The following TRPM5 variants were observed in gnomAD, a reference collection of about 807,000 sequenced individuals.
TRPM5 encodes the protein transient receptor potential cation channel subfamily M member 5.
TRPM5 carries 121 observed loss-of-function variants against 124.9 expected under a neutral mutation model. That is an observed-to-expected ratio of 0.97 (90% confidence interval 0.84 to 1.13). The LOEUF (loss-of-function observed/expected upper bound fraction) is 1.13, where lower values mean the gene tolerates loss of function less well. Ranked by LOEUF, TRPM5 falls within the 50% of genes most tolerant of loss-of-function variation. The pLI is 0.00. For missense variants in TRPM5, 1,643 were observed against 1,589.1 expected (o/e 1.03, Z -0.58); for synonymous variants, 781 against 700.5 (o/e 1.11, Z -1.81).
the TRPM5 span, among the ~76,000 whole-genome samples, chr11:2,437,677 T>C: frequency 6.6e-6 from 1 of 150,860 alleles, no homozygotes; most frequent in East Asian, 2.0e-4. The surrounding 1 kb of genome is among the most constrained non-coding windows in gnomAD (Gnocchi z 5.6). Context: ...GAGAGGGGAG[T>C]ACACTAAAAT....
chr11:2,414,009 G>GGGCCGCCCCCCCCCCCCC, intron 12 of TRPM5, 52 bp downstream of exon 17: 1 of 1,023,734 alleles, frequency 9.8e-7, no homozygotes, highest in East Asian at 2.8e-5. Flanking sequence ...GGCCCAGCTC[G>GGGCCGCCCCCCCCCCCCC]CCCGCCCACC....
chr11:2,405,008 C>CCA lies in TRPM5; in HGVS notation c.3425_3426dup (p.Ala1143TrpfsTer9). 6.2e-7 allele frequency: 1 copy of CCA among 1,612,820 alleles called. No individual in the cohort carries two copies. Among genetic ancestry groups the CCA allele is most frequent in the Non-Finnish European group, 8.5e-7 (1 of 1,179,920 alleles). On this transcript the variant is annotated frameshift_variant, in exon 24 of 24. Transcript: ENST00000155858. LOFTEE classifies it low-confidence loss of function (END_TRUNC). The stretch of plus-strand genomic sequence containing the variant: ...TCTAAACCACCTCTGTGGTCAGCAG[C>CCA]CACCAGCTGGCTTCCCTCGCCACAG...
chr11:2,414,009 G>GGGGGGCCCCCCCCCCCCCCCCCCCCCCCC, intron 12 of TRPM5, 52 bp downstream of exon 17: 49 of 1,023,594 alleles, frequency 4.8e-5, no homozygotes, highest in East Asian at 1.1e-4. Context: ...GGCCCAGCTC[G>GGGGGGCCCCCCCCCCCCCCCCCCCCCCCC]CCCGCCCACC....
chr11:2,420,079 CTCGGTG>C, intron 4 of TRPM5, 137 bp downstream of exon 9: 1 of 335,448 alleles, frequency 3.0e-6, no homozygotes, highest in Non-Finnish European at 4.1e-6. Flanking sequence ...CGGCCCAGGT[CTCGGTG>C]CTCAGGCATG....
At chr11:2,416,104 C>A in intron 7 of TRPM5, 80 bp from the exon 13 acceptor site, 1 of 1,063,120 alleles carries the variant, frequency 9.4e-7, no homozygotes, top group Non-Finnish European at 1.4e-6. Context: ...CCCAAAGGTG[C>A]GCTGCCTAGA....
chr11:2,420,947 C>T (rs1180991406), intron 3 of TRPM5, 85 bp downstream of exon 8: 30 of 1,404,754 alleles, frequency 2.1e-5, no homozygotes, highest in East Asian at 2.1e-4. Flanking sequence ...TCCTGTCCTC[C>T]CAGAGCTCTG....
Position 2,415,267 on chromosome 11 carries a change from C to T in TRPM5, c.1333G>A (p.Gly445Ser), listed in dbSNP as rs200095671. Residue 445 changes from glycine to serine, a missense_variant, in exon 9 of 24, where the codon GGC (glycine) becomes AGC (serine). Physicochemically the swap from Gly to Ser is moderately conservative, Grantham distance 56. Transcript: ENST00000155858. Reference sequence around the variant, plus strand: ...TCCCGGGCCTGCTGGGTGCCCAGGCCGGCCAGCGTCAGCCGGGCCTCCTCC... The same window carrying T: ...TCCCGGGCCTGCTGGGTGCCCAGGCTGGCCAGCGTCAGCCGGGCCTCCTCC... 8.4e-4 allele frequency: 1,328 copies of T among 1,571,656 alleles called. 3 individuals are homozygous for T. Among genetic ancestry groups the T allele is most frequent in the East Asian group, 2.8e-3 (122 of 43,072 alleles).
Position 2,420,290 on chromosome 11 carries a change from C to A in TRPM5, c.581G>T (p.Gly194Val), listed in dbSNP as rs201210043. The A allele has an allele frequency of 3.7e-6, 6 of 1,612,502 alleles. No individual in the cohort carries two copies. The East Asian group carries it at 1.1e-4, about 30-fold the overall frequency. ...CAGCCGCAGCTCCGTCAGCCCATCG[C>A]CCTTCCCCGGGGGGCCTGGCTCCAC... The change falls in exon 4 of 24, where the codon GGC becomes GTC. Residue 194 changes from glycine (G) to valine (V), a missense_variant. By Grantham distance (109) the Gly-to-Val change is moderately radical (BLOSUM62 -3). Transcript: ENST00000155858.
intron 20 of TRPM5, 45 bp from the exon 26 acceptor site, chr11:2,406,838 G>C (rs201161956): frequency 1.3e-6 from 2 of 1,585,744 alleles, no homozygotes; most frequent in African/African-American, 2.7e-5. Flanking sequence ...GCATGTGGGC[G>C]TCAGTGGCAG....
chr11:2,435,562 T>C, the TRPM5 span, among the ~76,000 whole-genome samples: 10 of 151,666 alleles, frequency 6.6e-5, no homozygotes, highest in Non-Finnish European at 1.3e-4. The surrounding 1 kb of genome is among the most constrained non-coding windows in gnomAD (Gnocchi z 4.1). Context: ...GATTCATCCA[T>C]CTATCCGTCC....
chr11:2,406,543 T>C (rs1850326455), intron 21 of TRPM5, 118 bp downstream of exon 26: 1 of 1,372,692 alleles, frequency 7.3e-7, no homozygotes, highest in East Asian at 2.3e-5. Flanking sequence ...GCCAGAGCCC[T>C]GCCCCTACCC....
At chr11:2,406,661 C>G in exon 21 of TRPM5, 1 of 1,608,206 alleles carries the variant, frequency 6.2e-7, no homozygotes, top group Non-Finnish European at 8.5e-7. Flanking sequence ...GCCCCCGCAC[C>G]TGTGGGCGGT....
In TRPM5 at chr11:2,412,271, A is replaced by T. The variant is rs1179909216; in HGVS notation, c.2356-18T>A. ...AAGAAGCCCTGGGAGGGAGGTGGGC[A>T]GTCCACTGACAGCTGTCCAGCCGCC... On this transcript the variant is annotated intron_variant, in intron 15 of 23. Coordinates refer to ENST00000155858, the Ensembl canonical transcript of TRPM5. 6.3e-7 allele frequency: 1 copy of T among 1,596,220 alleles called. No individual in the cohort carries two copies. The highest frequency in any genetic ancestry group is 2.2e-5 in the East Asian group (1 of 44,810).
chr11:2,422,886 C>G (rs760699182), intron 1 of TRPM5, 34 bp downstream of exon 6: 46 of 1,574,140 alleles, frequency 2.9e-5, no homozygotes, highest in Non-Finnish European at 3.9e-5. Flanking sequence ...CAGGTCAAGG[C>G]GGACATCACC....
chr11:2,418,537 T>C (rs886277), exon 5 of TRPM5: 672,446 of 1,609,256 alleles, frequency 0.42, 144,792 homozygotes, highest in East Asian at 0.7. Context: ...CTCCAAGGTG[T>C]TGGGATCACC....
intron 1 of TRPM5, 138 bp downstream of exon 6, chr11:2,422,782 G>C (rs1845790651): frequency 1.3e-6 from 1 of 747,490 alleles, no homozygotes; most frequent in Admixed American, 2.0e-5. Context: ...GCCTGTCTGG[G>C]GGCTCTGAAT....
the TRPM5 span, among the ~76,000 whole-genome samples, chr11:2,444,003 A>C: frequency 0.21 from 31,626 of 151,972 alleles, 4,821 homozygotes; most frequent in African/African-American, 0.42. Context: ...TCTCCAAGTT[A>C]CTAGGGTGGC....
the TRPM5 span, among the ~76,000 whole-genome samples, chr11:2,430,104 A>G: frequency 6.6e-6 from 1 of 152,116 alleles, no homozygotes. Flanking sequence ...GTGCCAGGTC[A>G]TGTTCCTCCC....
At chr11:2,404,784 T>G in exon 24 of TRPM5, 1 of 603,060 alleles carries the variant, frequency 1.7e-6, no homozygotes, top group Non-Finnish European at 2.9e-6. Context: ...TTCCTTTGGG[T>G]GAGGGTCTGT....
Sources: allele counts gnomAD v4.1 joint callset (sites outside exome capture counted in the v4.1 genomes callset), GRCh38; gene constraint gnomAD v4.1.1; non-coding constraint Gnocchi (gnomAD v3.1); transcripts MANE v1.5; gene names NCBI Gene and HGNC (gene_info 2026-07-23, HGNC 2026-07-21).